The following DAAM1 variants were observed in gnomAD, a reference collection of about 807,000 sequenced individuals.
The protein encoded by DAAM1 is dishevelled associated activator of morphogenesis 1, also known as disheveled-associated activator of morphogenesis 1.
A neutral mutation model predicts 130.0 loss-of-function variants in DAAM1; 52 were observed. That is an observed-to-expected ratio of 0.40 (90% CI 0.32 to 0.50). The LOEUF (loss-of-function observed/expected upper bound fraction) is 0.50, where lower values mean the gene tolerates loss of function less well. DAAM1 is among the 20% of genes least tolerant of loss of function. The pLI, the probability that DAAM1 is intolerant of heterozygous loss-of-function variation, is 0.61. For synonymous variants in DAAM1, 452 were observed against 444.5 expected, an observed-to-expected ratio of 1.02 and a Z score of -0.21; for missense variants, 1,134 against 1,303.8, an observed-to-expected ratio of 0.87 and a Z score of 2.01.
Position 59,363,800 on chromosome 14 carries a change from G to A in DAAM1, c.2826+18G>A. On this transcript the variant is annotated intron_variant, in intron 23 of 24. Transcript: ENST00000360909. ...AAGACCTGGTAAGTTTCCCCCTTGTGCACTGAGTGTTGTTTGACCGGGCTG... is the reference window on the plus strand; with the variant it reads ...AAGACCTGGTAAGTTTCCCCCTTGTACACTGAGTGTTGTTTGACCGGGCTG... The A allele has an allele frequency of 6.2e-7, 1 of 1,612,542 alleles. No individual in the cohort carries two copies.
At chr14:59,297,939 T>C (rs889026262) in intron 3 of DAAM1, among the ~76,000 whole-genome samples, 1 of 152,178 alleles carries the variant, frequency 6.6e-6, no homozygotes, top group South Asian at 2.1e-4. Flanking sequence ...TGTAAAACTT[T>C]GTAATTAGTA....
chr14:59,194,402 G>A (rs1887823707), intron 1 of DAAM1, among the ~76,000 whole-genome samples: 1 of 152,192 alleles, frequency 6.6e-6, no homozygotes, highest in African/African-American at 2.4e-5. Context: ...ATGAACGATA[G>A]ACAAATTATT....
At chr14:59,242,629 G>A (rs1286100269) in intron 1 of DAAM1, among the ~76,000 whole-genome samples, 1 of 152,084 alleles carries the variant, frequency 6.6e-6, no homozygotes, top group East Asian at 1.9e-4. Context: ...CGTGATCTCG[G>A]CTCACTGCAA....
In DAAM1 at chr14:59,259,366, G is replaced by C. The variant is rs529501846; in HGVS notation, c.-37-4075G>C. 3.8e-4 allele frequency among the ~76,000 whole-genome samples: 58 copies of C among 152,338 alleles called. 1 individual carries two copies. The Middle Eastern group carries it at 0.01, about 27-fold the overall frequency. On this transcript the variant is annotated intron_variant, in intron 1 of 24. Coordinates refer to ENST00000360909, the MANE Select transcript of DAAM1 (RefSeq NM_001270520.2). ...GGCAGATTAACAAGACTGCCTGAAA[G>C]AGATAGCTGGAAATGAGCTTTGAAG... is the stretch of plus-strand genomic sequence containing the variant.
At chr14:59,207,759 A>T (rs930010394) in intron 1 of DAAM1, among the ~76,000 whole-genome samples, 3 of 152,224 alleles carry the variant, frequency 2.0e-5, no homozygotes, top group East Asian at 1.9e-4. Context: ...CAAACAAAAA[A>T]GTCAAAGATC....
intron 1 of DAAM1, among the ~76,000 whole-genome samples, chr14:59,235,348 G>A (rs865977802): frequency 1.6e-4 from 24 of 152,024 alleles, no homozygotes; most frequent in African/African-American, 4.6e-4. Context: ...TCAGGGATTC[G>A]ACTTCTTCCT....
chr14:59,352,991 CAAAA>C, intron 18 of DAAM1, among the ~76,000 whole-genome samples: 1 of 129,530 alleles, frequency 7.7e-6, no homozygotes, highest in Non-Finnish European at 1.7e-5. Context: ...GGTTGTAAAA[CAAAA>C]AAAAAAAAAA....
chr14:59,251,435 GTTT>G (rs35807716), intron 1 of DAAM1, among the ~76,000 whole-genome samples: 1 of 137,948 alleles, frequency 7.2e-6, no homozygotes, highest in Non-Finnish European at 1.6e-5. Flanking sequence ...ACTCCGCCGT[GTTT>G]TTTTTTTTTT....
intron 15 of DAAM1, among the ~76,000 whole-genome samples, chr14:59,335,045 TG>T (rs1198452560): frequency 6.6e-6 from 1 of 152,186 alleles, no homozygotes; most frequent in Non-Finnish European, 1.5e-5. Context: ...CCCAACTCTA[TG>T]AGTAGATATT....
chr14:59,283,954 T>G (rs1347190648), intron 2 of DAAM1, among the ~76,000 whole-genome samples: 1 of 152,166 alleles, frequency 6.6e-6, no homozygotes, highest in Non-Finnish European at 1.5e-5. Flanking sequence ...TGCTCCATTT[T>G]TAAGGCAGTG....
chr14:59,323,184 C>A lies in DAAM1; in HGVS notation c.733C>A (p.Leu245Met). The change falls in exon 6 of 25, where the codon CTG (leucine) becomes ATG (methionine). Residue 245 changes from leucine to methionine, a missense_variant. Leu to Met is a conservative substitution (Grantham distance 15). Around this residue, in one of 3 missense-constraint regions of DAAM1, gnomAD observed 391 missense variants for 521.6 expected, o/e 0.75. Transcript: ENST00000360909. ...CCACAAGAAGGTTCTGCAGGCCATG[C>A]TGCACTACCAGAAGTATGCCAGCGA... ...GGHKKVLQAM[L>M]HYQKYASERT... 1 of 1,613,282 alleles carries A rather than the reference C, an allele frequency of 6.2e-7. No individual in the cohort carries two copies.
At chr14:59,299,894 C>T (rs946292246) in intron 3 of DAAM1, 13 of 152,156 alleles carry the variant, frequency 8.5e-5, no homozygotes, top group African/African-American at 2.7e-4. Context: ...CTCTTAGCCA[C>T]GTGCCCTCCA....
chr14:59,213,959 G>C (rs1312987603), intron 1 of DAAM1, among the ~76,000 whole-genome samples: 2 of 152,212 alleles, frequency 1.3e-5, no homozygotes, highest in African/African-American at 2.4e-5. Context: ...TTTCTCAGCA[G>C]TGGTCACCTA....
In DAAM1 at chr14:59,312,492, G is replaced by A. The variant is rs541553296; in HGVS notation, c.274-2788G>A. 5.3e-5 allele frequency among the ~76,000 whole-genome samples: 8 copies of A among 152,196 alleles called. No homozygotes were observed. In the South Asian group the frequency reaches 8.3e-4, roughly 16 times the overall value. ...AAATGCTGTTGGTGGTGAGAGAAGT[G>A]TATCACAGTCATCTTCGAGGTGAGT... is the stretch of plus-strand genomic sequence containing the variant. On this transcript the variant is annotated intron_variant, in intron 3 of 24. Transcript: ENST00000360909.
intron 1 of DAAM1, among the ~76,000 whole-genome samples, chr14:59,254,635 T>G (rs1474297055): frequency 1.3e-5 from 2 of 152,052 alleles, no homozygotes; most frequent in Non-Finnish European, 2.9e-5. Flanking sequence ...CAAGGACACT[T>G]TGGGTTTGGC....
chr14:59,330,635 C>T lies in DAAM1; in HGVS notation c.1507C>T (p.Gln503Ter), dbSNP rs1286715057. 6.2e-7 allele frequency: 1 copy of T among 1,613,876 alleles called. No homozygotes were observed. Among genetic ancestry groups the T allele is most frequent in the Admixed American group, 1.7e-5 (1 of 60,006 alleles). Residue 503 changes from glutamine to a stop codon, truncating the protein, a stop_gained, in exon 13 of 25, where the codon CAA becomes TAA. Coordinates refer to ENST00000360909, the MANE Select transcript of DAAM1 (RefSeq NM_001270520.2). LOFTEE classifies it high-confidence loss of function. ...KLEKETTEHK[Q>*]VKQQVADLTA... is the part of the protein sequence containing the mutation. ...TGAAAAGGAGACTACTGAGCATAAG[C>T]AAGTCAAGCAGCAGGTGGCGGACCT...
chr14:59,217,496 CTGTT>C (rs1450476060), intron 1 of DAAM1, among the ~76,000 whole-genome samples: 30 of 152,182 alleles, frequency 2.0e-4, no homozygotes, highest in African/African-American at 6.7e-4. Context: ...GTCTATGCTG[CTGTT>C]ATGGTATTGA....
In DAAM1 at chr14:59,350,365, C is replaced by G. The variant is rs1045049282; in HGVS notation, c.2161-2161C>G. The stretch of plus-strand genomic sequence containing the variant: ...GTCAGCCTTTAGCACATAAACACAC[C>G]CCTACATACAGCATCTGCACACATA... On this transcript the variant is annotated intron_variant, in intron 17 of 24. Transcript: ENST00000360909. Among the ~76,000 whole-genome samples, 6 of 151,956 alleles carry G rather than the reference C, an allele frequency of 3.9e-5. No individual in the cohort carries two copies. In the East Asian group the frequency reaches 1.2e-3, roughly 29 times the overall value.
chr14:59,246,767 A>G (rs1452604645), intron 1 of DAAM1, among the ~76,000 whole-genome samples: 1 of 152,052 alleles, frequency 6.6e-6, no homozygotes, highest in Non-Finnish European at 1.5e-5. Context: ...GAGAAGATAT[A>G]TTATTGTGGT....
Sources: allele counts gnomAD v4.1 joint callset (sites outside exome capture counted in the v4.1 genomes callset), GRCh38; gene constraint gnomAD v4.1.1; regional missense constraint gnomAD v4.1.1; transcripts MANE v1.5; gene names NCBI Gene and HGNC (gene_info 2026-07-23, HGNC 2026-07-21).